FAM174A: variants seen among roughly 807,000 people sequenced by gnomAD.
The protein encoded by FAM174A is membrane protein FAM174A.
Under a neutral mutation model 14.3 loss-of-function variants are expected in FAM174A, and 14 were observed. That is an observed-to-expected ratio of 0.98 (90% CI 0.65 to 1.53). The LOEUF (loss-of-function observed/expected upper bound fraction) is 1.53. Ranked by LOEUF, FAM174A falls within the 40% of genes most tolerant of loss-of-function variation. The pLI is 0.00. For synonymous variants in FAM174A, 108 were observed against 111.4 expected, an observed-to-expected ratio of 0.97 and a Z score of 0.19; for missense variants, 241 against 249.6, an observed-to-expected ratio of 0.97 and a Z score of 0.23.
intron 2 of FAM174A, among the ~76,000 whole-genome samples, chr5:100,578,861 A>G (rs1438191296): frequency 2.6e-5 from 4 of 151,942 alleles, no homozygotes; most frequent in African/African-American, 4.8e-5. Context: ...AGCAGCATGC[A>G]TAGCCCAATG....
chr5:100,559,578 G>A (rs1292525202), intron 1 of FAM174A, among the ~76,000 whole-genome samples: 1 of 152,028 alleles, frequency 6.6e-6, no homozygotes, highest in Non-Finnish European at 1.5e-5. Flanking sequence ...ATCACTTTCA[G>A]GTACACCAAT....
intron 2 of FAM174A, among the ~76,000 whole-genome samples, chr5:100,570,425 T>A (rs796402215): frequency 6.6e-6 from 1 of 151,994 alleles, no homozygotes; most frequent in Non-Finnish European, 1.5e-5. Flanking sequence ...TTTTCTTGTG[T>A]GAAAGCTGCA....
intron 1 of FAM174A, among the ~76,000 whole-genome samples, chr5:100,553,344 G>C (rs1223176230): frequency 6.6e-6 from 1 of 151,980 alleles, no homozygotes; most frequent in Non-Finnish European, 1.5e-5. Context: ...AATCACCCAA[G>C]TTATTTGAAA....
chr5:100,556,856 G>A (rs944475790), intron 1 of FAM174A, among the ~76,000 whole-genome samples: 4 of 152,282 alleles, frequency 2.6e-5, no homozygotes, highest in South Asian at 2.1e-4. Context: ...AGACGATGGG[G>A]TTTTCTAGAT....
chr5:100,537,756 C>A (rs902802586), intron 1 of FAM174A, among the ~76,000 whole-genome samples: 6 of 152,106 alleles, frequency 3.9e-5, no homozygotes, highest in African/African-American at 1.4e-4. Context: ...CACTATATAA[C>A]TGTTATTTAC....
intron 1 of FAM174A, among the ~76,000 whole-genome samples, chr5:100,555,753 C>A (rs1746364159): frequency 6.6e-6 from 1 of 152,072 alleles, no homozygotes; most frequent in East Asian, 1.9e-4. Flanking sequence ...CTGTTCATAT[C>A]ATTTGCCCAG....
At chr5:100,563,083 TATCC>T (rs1460105420) in intron 2 of FAM174A, among the ~76,000 whole-genome samples, 1 of 151,836 alleles carries the variant, frequency 6.6e-6, no homozygotes, top group African/African-American at 2.4e-5. Context: ...TATATATGTC[TATCC>T]ATCTATCTAT....
At chr5:100,544,636 T>C (rs1284153313) in intron 1 of FAM174A, among the ~76,000 whole-genome samples, 1 of 152,232 alleles carries the variant, frequency 6.6e-6, no homozygotes, top group Non-Finnish European at 1.5e-5. Flanking sequence ...AATTCCATAC[T>C]GGAGCCTCAT....
intron 1 of FAM174A, among the ~76,000 whole-genome samples, chr5:100,545,110 A>G (rs1225149005): frequency 1.3e-5 from 2 of 152,178 alleles, no homozygotes; most frequent in Non-Finnish European, 2.9e-5. Context: ...TCCAGTGCCC[A>G]TTGTAGTATT....
intron 2 of FAM174A, among the ~76,000 whole-genome samples, chr5:100,576,539 C>T (rs1746909909): frequency 6.6e-6 from 1 of 152,020 alleles, no homozygotes; most frequent in Non-Finnish European, 1.5e-5. Flanking sequence ...TTTTTCACAT[C>T]ATTGTCCAGG....
intron 2 of FAM174A, among the ~76,000 whole-genome samples, chr5:100,571,724 T>G (rs906325273): frequency 6.0e-5 from 9 of 149,280 alleles, no homozygotes; most frequent in African/African-American, 2.2e-4. Flanking sequence ...TACTGTTACT[T>G]TATTATAAAG....
At chr5:100,574,755 G>C (rs1486253100) in intron 2 of FAM174A, among the ~76,000 whole-genome samples, 1 of 152,172 alleles carries the variant, frequency 6.6e-6, no homozygotes, top group Non-Finnish European at 1.5e-5. Flanking sequence ...CTAAAAGCCA[G>C]AGCAGAAAAG....
intron 1 of FAM174A, among the ~76,000 whole-genome samples, chr5:100,557,132 A>T (rs1025386073): frequency 5.3e-5 from 8 of 152,164 alleles, no homozygotes; most frequent in Admixed American, 3.9e-4. Context: ...TACCTAATTT[A>T]TTGAGAGTTT....
At chr5:100,579,928 T>A (rs1017810625) in intron 2 of FAM174A, among the ~76,000 whole-genome samples, 35 of 152,236 alleles carry the variant, frequency 2.3e-4, no homozygotes, top group African/African-American at 8.2e-4. Flanking sequence ...TTGGCAAGCA[T>A]GTATGGGATT....
intron 2 of FAM174A, among the ~76,000 whole-genome samples, chr5:100,565,359 A>T (rs1329693495): frequency 6.6e-6 from 1 of 151,926 alleles, no homozygotes; most frequent in Non-Finnish European, 1.5e-5. Context: ...AGCCAAGTAG[A>T]TAATCATCAG....
chr5:100,537,946 C>T (rs891053461), intron 1 of FAM174A, among the ~76,000 whole-genome samples: 1 of 151,982 alleles, frequency 6.6e-6, no homozygotes, highest in Non-Finnish European at 1.5e-5. Flanking sequence ...GATTTTCTGT[C>T]ATTAATGTTG....
intron 1 of FAM174A, among the ~76,000 whole-genome samples, chr5:100,545,942 C>T (rs984382813): frequency 1.3e-5 from 2 of 151,966 alleles, no homozygotes; most frequent in Non-Finnish European, 2.9e-5. Flanking sequence ...ATACAAAAAA[C>T]CTTATAAAAT....
Position 100,540,731 on chromosome 5 carries a change from TTATCA to T in FAM174A, c.434+4775_434+4779del, listed in dbSNP as rs1262971063. Among the ~76,000 whole-genome samples the T allele has an allele frequency of 3.9e-5, 6 of 152,336 alleles. No homozygotes were observed. In the East Asian group the frequency reaches 9.6e-4, roughly 24 times the overall value. On this transcript the variant is annotated intron_variant, in intron 1 of 2. Transcript: ENST00000312637. ...TCAGGGATCATAATCCCTGATATGA[TTATCA>T]TATCATAAGTGAAGTGATAATAGAA...
chr5:100,570,071 A>G (rs1746746778), intron 2 of FAM174A, among the ~76,000 whole-genome samples: 1 of 151,938 alleles, frequency 6.6e-6, no homozygotes, highest in Admixed American at 6.6e-5. Context: ...AATATCAAAC[A>G]TCATTTAAAT....
Sources: allele counts gnomAD v4.1 joint callset (sites outside exome capture counted in the v4.1 genomes callset), GRCh38; gene constraint gnomAD v4.1.1; transcripts MANE v1.5; gene names NCBI Gene and HGNC (gene_info 2026-07-23, HGNC 2026-07-21).